Variants in CDYL2 observed in about 807,000 individuals in gnomAD.
CDYL2 encodes chromodomain Y like 2.
Under a neutral mutation model 49.4 loss-of-function variants are expected in CDYL2, and 23 were observed. That is an observed-to-expected ratio of 0.47 (90% CI 0.34 to 0.66). The LOEUF (loss-of-function observed/expected upper bound fraction) is 0.66, where lower values mean the gene tolerates loss of function less well. Among genes scored for constraint, CDYL2 ranks in the 30% least tolerant of loss-of-function variants. The pLI is 0.01. For missense variants in CDYL2, 678 were observed against 656.4 expected, an observed-to-expected ratio of 1.03 and a Z score of -0.36; for synonymous variants, 360 against 268.8, an observed-to-expected ratio of 1.34 and a Z score of -3.32.
intron 1 of CDYL2, among the ~76,000 whole-genome samples, chr16:80,753,893 A>T (rs979525123): frequency 6.6e-6 from 1 of 152,216 alleles, no homozygotes; most frequent in South Asian, 2.1e-4. Flanking sequence ...CTTACAAAGG[A>T]TTTGTTTCCA....
chr16:80,692,738 GT>G (rs1910465860), intron 1 of CDYL2, among the ~76,000 whole-genome samples: 1 of 152,192 alleles, frequency 6.6e-6, no homozygotes, highest in Non-Finnish European at 1.5e-5. Context: ...AAGATAATGA[GT>G]ATAGGAAATG....
intron 2 of CDYL2, among the ~76,000 whole-genome samples, chr16:80,674,976 G>A (rs1032784007): frequency 6.6e-6 from 1 of 152,202 alleles, no homozygotes; most frequent in African/African-American, 2.4e-5. Context: ...CATCTGTGAT[G>A]TGAATATGTG....
intron 1 of CDYL2, among the ~76,000 whole-genome samples, chr16:80,702,558 T>C (rs2142502143): frequency 6.6e-6 from 1 of 152,268 alleles, no homozygotes; most frequent in East Asian, 1.9e-4. Flanking sequence ...CAGACCATCC[T>C]GCGCAACAGA....
intron 1 of CDYL2, among the ~76,000 whole-genome samples, chr16:80,774,166 A>C (rs62052142): frequency 2.0e-3 from 312 of 152,320 alleles, no homozygotes; most frequent in Non-Finnish European, 3.8e-3. Flanking sequence ...AGAAGTGACA[A>C]AAACAAAGAA....
At chr16:80,624,974 G>A (rs1907239692) in intron 3 of CDYL2, among the ~76,000 whole-genome samples, 1 of 152,116 alleles carries the variant, frequency 6.6e-6, no homozygotes, top group Non-Finnish European at 1.5e-5. Context: ...TGGTGCTGTA[G>A]GGATTCTATC....
intron 3 of CDYL2, among the ~76,000 whole-genome samples, chr16:80,632,310 C>G (rs983116147): frequency 6.6e-6 from 1 of 152,148 alleles, no homozygotes; most frequent in Non-Finnish European, 1.5e-5. Context: ...AAAAGCCAGA[C>G]ACAAAAGGCT....
intron 1 of CDYL2, among the ~76,000 whole-genome samples, chr16:80,791,309 T>C (rs1820213): frequency 0.89 from 135,608 of 152,236 alleles, 60,446 homozygotes; most frequent in South Asian, 0.96. Context: ...ATATCTGAGA[T>C]GATTCCAACT....
intron 1 of CDYL2, among the ~76,000 whole-genome samples, chr16:80,776,048 A>G (rs1006599071): frequency 6.6e-6 from 1 of 152,006 alleles, no homozygotes; most frequent in Non-Finnish European, 1.5e-5. Flanking sequence ...TATGCAACAA[A>G]AAAACAAACA....
chr16:80,727,055 G>C (rs935775831), intron 1 of CDYL2, among the ~76,000 whole-genome samples: 28 of 152,220 alleles, frequency 1.8e-4, no homozygotes, highest in Non-Finnish European at 2.5e-4. Flanking sequence ...CTGGGCAAGA[G>C]AGCAAGACAA....
In CDYL2 at chr16:80,765,546, C is replaced by T. The variant is rs189241115; in HGVS notation, c.24+38604G>A. On this transcript the variant is annotated intron_variant, in intron 1 of 6. Transcript: ENST00000570137. ...AAAGAGTTAAACCAGTAACCTAAGA[C>T]TCTGCAGTTCCTAGGTATAAACCTA... is the stretch of plus-strand genomic sequence containing the variant. Among the ~76,000 whole-genome samples the T allele has an allele frequency of 3.7e-3, 566 of 151,966 alleles. 1 individual carries two copies. Among genetic ancestry groups the T allele is most frequent in the Admixed American group, 8.6e-3 (131 of 15,256 alleles).
intron 2 of CDYL2, among the ~76,000 whole-genome samples, chr16:80,676,859 G>C (rs1319246337): frequency 1.3e-5 from 2 of 151,716 alleles, no homozygotes; most frequent in African/African-American, 4.8e-5. Context: ...TGTGTGGTCA[G>C]ATGATCTATT....
At chr16:80,790,669 T>C (rs1379558494) in intron 1 of CDYL2, among the ~76,000 whole-genome samples, 1 of 152,224 alleles carries the variant, frequency 6.6e-6, no homozygotes, top group East Asian at 1.9e-4. Context: ...TATTACTTGA[T>C]CTGACTTCCA....
At chr16:80,728,547 G>T (rs1161370053) in intron 1 of CDYL2, among the ~76,000 whole-genome samples, 1 of 152,138 alleles carries the variant, frequency 6.6e-6, no homozygotes, top group Non-Finnish European at 1.5e-5. Context: ...AGGAGAACTT[G>T]CCCAATCTAG....
chr16:80,704,542 T>G (rs1904338659), intron 1 of CDYL2, among the ~76,000 whole-genome samples: 1 of 152,130 alleles, frequency 6.6e-6, no homozygotes, highest in Admixed American at 6.5e-5. Context: ...AGATAAGTGC[T>G]CTAGACAAAA....
At chr16:80,655,951 G>C (rs1908791234) in intron 2 of CDYL2, among the ~76,000 whole-genome samples, 1 of 152,194 alleles carries the variant, frequency 6.6e-6, no homozygotes, top group African/African-American at 2.4e-5. Context: ...TGTTGGAACT[G>C]TGGAAGCTTA....
chr16:80,622,214 G>A (rs368201027), intron 3 of CDYL2, among the ~76,000 whole-genome samples: 1 of 152,282 alleles, frequency 6.6e-6, no homozygotes, highest in East Asian at 1.9e-4. Context: ...CCCAGGGGTG[G>A]ACAGGCAGGG....
intron 1 of CDYL2, among the ~76,000 whole-genome samples, chr16:80,727,162 T>A (rs1172727663): frequency 2.6e-5 from 4 of 152,300 alleles, no homozygotes; most frequent in African/African-American, 7.2e-5. Flanking sequence ...AGACGGGTGA[T>A]TTCTGCATTT....
chr16:80,804,626 G>T (rs1459386435), upstream of CDYL2, among the ~76,000 whole-genome samples: 1 of 144,586 alleles, frequency 6.9e-6, no homozygotes, highest in Non-Finnish European at 1.5e-5. Context: ...CCGGGAGCCC[G>T]GCCCGGCCCC....
In CDYL2 at chr16:80,612,549, C is replaced by T; in HGVS notation, c.1218+77G>A. 2 of 1,413,152 alleles carry T rather than the reference C, an allele frequency of 1.4e-6. No individual in the cohort carries two copies. Among genetic ancestry groups the T allele is most frequent in the Non-Finnish European group, 9.6e-7 (1 of 1,040,696 alleles). 87.5% of individuals were successfully genotyped at this position (1,413,152 alleles called of 1,614,324 possible). On this transcript the variant is annotated intron_variant, in intron 5 of 6. Transcript: ENST00000570137. This position sits in a 1 kb window ranked among gnomAD's most constrained non-coding sequence, Gnocchi z 5.0. Reference sequence around the variant, plus strand: ...CTGACAACACCCTCAGGTTTCTAGCCCCATGAAGAGCCCCTAAACCCAAGG... The same window carrying T: ...CTGACAACACCCTCAGGTTTCTAGCTCCATGAAGAGCCCCTAAACCCAAGG...
Sources: gnomAD v4.1 joint callset for allele counts (sites outside exome capture counted in the v4.1 genomes callset) on GRCh38, gnomAD v4.1.1 for gene constraint, Gnocchi (gnomAD v3.1) non-coding constraint, MANE v1.5 for transcripts, NCBI Gene and HGNC (gene_info 2026-07-23, HGNC 2026-07-21) for gene names.